RANBP1: variants seen among roughly 807,000 people sequenced by gnomAD.
The protein encoded by RANBP1 is ran-specific GTPase-activating protein.
RANBP1 carries 16 observed loss-of-function variants against 31.4 expected under a neutral mutation model. That is an observed-to-expected ratio of 0.51 (90% CI 0.34 to 0.77). The LOEUF (loss-of-function observed/expected upper bound fraction) is 0.77. RANBP1 is among the 30% of genes least tolerant of loss of function. RANBP1 has a pLI of 0.01. For missense variants in RANBP1, 265 were observed against 362.0 expected, an observed-to-expected ratio of 0.73 and a Z score of 2.17; for synonymous variants, 129 against 140.5, an observed-to-expected ratio of 0.92 and a Z score of 0.58.
At chr22:20,117,878 G>A (rs533437495) in intron 1 of RANBP1, 2 of 1,019,670 alleles carry the variant, frequency 2.0e-6, no homozygotes, top group Non-Finnish European at 2.3e-6. Context: ...CTCTGCAGAG[G>A]CCTGGGGGCT....
At chr22:20,121,425 T>A (rs999986495) in intron 2 of RANBP1, among the ~76,000 whole-genome samples, 1 of 152,006 alleles carries the variant, frequency 6.6e-6, no homozygotes, top group Non-Finnish European at 1.5e-5. Flanking sequence ...AATTTTGTAT[T>A]TTTAGTAGAG....
chr22:20,122,544 G>A (rs2050195248), intron 3 of RANBP1, 123 bp downstream of exon 3: 2 of 1,570,230 alleles, frequency 1.3e-6, no homozygotes, highest in East Asian at 4.7e-5. Flanking sequence ...TTTGTGGTGT[G>A]TTTGTTGAAT....
chr22:20,116,920 C>A, intron 1 of RANBP1: 1 of 1,590,050 alleles, frequency 6.3e-7, no homozygotes, highest in African/African-American at 1.3e-5. Flanking sequence ...CCAGGCGGTT[C>A]TCCGCCTAGA....
intron 1 of RANBP1, chr22:20,117,530 A>AGCGG (rs1353773061): frequency 1.5e-5 from 17 of 1,099,626 alleles, no homozygotes; most frequent in Middle Eastern, 3.9e-4. Context: ...CGGAGGGAAG[A>AGCGG]GCGGGCGGGC....
rs1371377224 is a variant in RANBP1, at chr22:20,117,580, A to C, written c.246+1150A>C. On this transcript the variant is annotated intron_variant, in intron 1 of 5. Transcript: ENST00000430524. ...CCAGACGCGGAGGGAAGGAGCTACG[A>C]GTAGCCGCCGAGAGGCCGCGGAGCC... 4.9e-5 allele frequency: 69 copies of C among 1,396,842 alleles called. No individual in the cohort carries two copies. In the East Asian group the frequency reaches 2.3e-3, roughly 47 times the overall value. 86.5% of individuals were successfully genotyped at this position (1,396,842 alleles called of 1,614,324 possible). A position where few individuals can be genotyped will look rare whatever the true frequency, so the allele number is the denominator to read the frequency against.
chr22:20,117,166 G>A, intron 1 of RANBP1: 1 of 548,004 alleles, frequency 1.8e-6, no homozygotes, highest in Non-Finnish European at 3.1e-6. Flanking sequence ...CGCGCCGGCC[G>A]CTCGCTTCGC....
At chr22:20,116,485 G>A (rs1455161661) in intron 1 of RANBP1, 55 bp downstream of exon 1, 1 of 1,612,840 alleles carries the variant, frequency 6.2e-7, no homozygotes, top group Non-Finnish European at 8.5e-7. Flanking sequence ...CCCCGGCCCT[G>A]TAGCCGCCCC....
At position 20,116,319 on chromosome 22, in the gene RANBP1, A is replaced by G. The variant is rs1055281896; in HGVS notation, c.135A>G (p.Pro45=). ...RNVTKAQGGC[P]KSLVLWGCRP... The stretch of plus-strand genomic sequence containing the variant: ...TCACAAAGGCGCAGGGTGGTTGCCC[A>G]AAGAGTTTGGTTTTGTGGGGCTGCA... Residue 45 remains proline (P), a synonymous_variant, in exon 1 of 6, where the codon CCA becomes CCG. Transcript: ENST00000430524. 1 of 1,612,936 alleles carries G rather than the reference A, an allele frequency of 6.2e-7. No homozygotes were observed. The highest frequency in any genetic ancestry group is 2.2e-5 in the East Asian group (1 of 44,874).
chr22:20,117,466 A>G, intron 1 of RANBP1: 1 of 1,196,390 alleles, frequency 8.4e-7, no homozygotes, highest in Non-Finnish European at 1.0e-6. Flanking sequence ...CTGGTTTTGA[A>G]TCGCGGCGCG....
chr22:20,122,693 G>T, intron 3 of RANBP1: 1 of 1,388,950 alleles, frequency 7.2e-7, no homozygotes, highest in Non-Finnish European at 9.6e-7. Context: ...GGCTCGGGAC[G>T]AGGAGTGAGT....
At chr22:20,116,832 G>A in intron 1 of RANBP1, 3 of 549,932 alleles carry the variant, frequency 5.5e-6, no homozygotes, top group East Asian at 5.1e-5. Context: ...GACCCACCCC[G>A]CCTCCTCCCA....
intron 1 of RANBP1, chr22:20,117,563 G>T: frequency 7.1e-7 from 1 of 1,411,236 alleles, no homozygotes; most frequent in Non-Finnish European, 9.2e-7. Context: ...CGCCAGACGC[G>T]GAGGGAAGGA....
chr22:20,126,426 T>A, intron 5 of RANBP1, 58 bp downstream of exon 5: 1 of 1,612,874 alleles, frequency 6.2e-7, no homozygotes, highest in Non-Finnish European at 8.5e-7. Context: ...CATCTGACTA[T>A]ACTTCCAGGC....
intron 1 of RANBP1, chr22:20,117,211 G>A: frequency 1.8e-6 from 1 of 543,698 alleles, no homozygotes; most frequent in Non-Finnish European, 3.0e-6. Flanking sequence ...GTGCGGCGGA[G>A]GCCGAGCGTC....
chr22:20,116,925 C>T (rs766729857), intron 1 of RANBP1: 16 of 1,589,848 alleles, frequency 1.0e-5, no homozygotes, highest in South Asian at 9.2e-5. Context: ...CGGTTCTCCG[C>T]CTAGACCAGG....
Position 20,126,988 on chromosome 22 carries a change from C to A in RANBP1, c.773C>A (p.Ala258Glu). 4 of 1,612,798 alleles carry A rather than the reference C, an allele frequency of 2.5e-6. 1 individual carries two copies. Among genetic ancestry groups the A allele is most frequent in the Non-Finnish European group, 1.7e-6 (2 of 1,179,510 alleles). The change falls in exon 6 of 6, where the codon GCG (alanine) becomes GAG (glutamate). Residue 258 changes from alanine (A) to glutamate (E), a missense_variant. Ala to Glu is a moderately radical substitution (Grantham distance 107, BLOSUM62 -1). Coordinates refer to ENST00000430524, the MANE Select transcript of RANBP1 (RefSeq NM_001278639.2). The stretch of plus-strand genomic sequence containing the variant: ...AAAAATGATCATGCCGAAAAAGTGG[C>A]GGAAAAGCTAGAAGCTCTCTCGGTG... ...SGKNDHAEKV[A>E]EKLEALSVKE...
chr22:20,118,552 TGAAA>T (rs2050101896), intron 1 of RANBP1, among the ~76,000 whole-genome samples: 1 of 152,278 alleles, frequency 6.6e-6, no homozygotes, highest in African/African-American at 2.4e-5. Context: ...TAGTCAAAAC[TGAAA>T]GAGTTACATT....
At chr22:20,123,595 A>G (rs2050235664) in intron 3 of RANBP1, among the ~76,000 whole-genome samples, 1 of 151,892 alleles carries the variant, frequency 6.6e-6, no homozygotes, top group Non-Finnish European at 1.5e-5. Flanking sequence ...TACCCTCACC[A>G]GGATCTTCCT....
At chr22:20,121,031 G>A (rs1195914528) in intron 2 of RANBP1, among the ~76,000 whole-genome samples, 1 of 152,184 alleles carries the variant, frequency 6.6e-6, no homozygotes, top group Non-Finnish European at 1.5e-5. Context: ...TTGGCTCACT[G>A]CAACCTCTGC....
Sources: allele counts gnomAD v4.1 joint callset (sites outside exome capture counted in the v4.1 genomes callset), GRCh38; gene constraint gnomAD v4.1.1; transcripts MANE v1.5; gene names NCBI Gene and HGNC (gene_info 2026-07-23, HGNC 2026-07-21).